VTI1A: variants seen among roughly 807,000 people sequenced by gnomAD.
VTI1A encodes the protein vesicle transport through interaction with t-SNAREs homolog 1A.
A neutral mutation model predicts 34.9 loss-of-function variants in VTI1A; 22 were observed. The observed-to-expected ratio is 0.63, with a 90% CI of 0.45 to 0.90. VTI1A has a LOEUF of 0.90. Ranked by LOEUF, VTI1A falls within the 40% of genes least tolerant of loss-of-function variation. VTI1A has a pLI of 0.00. For synonymous variants in VTI1A, 87 were observed against 97.3 expected (o/e 0.89, Z 0.62); for missense variants, 268 against 275.6 (o/e 0.97, Z 0.20).
intron 5 of VTI1A, among the ~76,000 whole-genome samples, chr10:112,572,649 T>C (rs930600664): frequency 2.3e-4 from 35 of 151,462 alleles, no homozygotes; most frequent in African/African-American, 8.6e-4. Context: ...CCATCTTGGC[T>C]AACACGGTGA....
chr10:112,494,206 A>G lies in VTI1A; in HGVS notation c.264+29549A>G. Among the ~76,000 whole-genome samples the G allele has an allele frequency of 1.3e-5, 2 of 152,062 alleles. 1 individual carries two copies. On this transcript the variant is annotated intron_variant, in intron 3 of 7. Transcript: ENST00000393077. ...TTCTAGCAATTTGTGCCCTTCATCTAAGTTCTCTGATTTATTGACAATAAA... is the reference window on the plus strand; with the variant it reads ...TTCTAGCAATTTGTGCCCTTCATCTGAGTTCTCTGATTTATTGACAATAAA...
intron 7 of VTI1A, among the ~76,000 whole-genome samples, chr10:112,808,486 C>T (rs545747313): frequency 3.3e-5 from 5 of 151,952 alleles, no homozygotes; most frequent in East Asian, 3.9e-4. Flanking sequence ...ATCAGCTGGG[C>T]GTGGTGGCAG....
chr10:112,650,757 C>G (rs1846979521), intron 5 of VTI1A, among the ~76,000 whole-genome samples: 1 of 152,178 alleles, frequency 6.6e-6, no homozygotes, highest in Non-Finnish European at 1.5e-5. Context: ...TATACGTAGT[C>G]CCTCGTTGAC....
intron 3 of VTI1A, among the ~76,000 whole-genome samples, chr10:112,471,107 G>A (rs566856407): frequency 1.2e-4 from 18 of 152,170 alleles, no homozygotes; most frequent in African/African-American, 4.3e-4. Flanking sequence ...CTTCTGAATA[G>A]CTATCTCAAA....
chr10:112,701,261 A>T (rs997596316), intron 7 of VTI1A, among the ~76,000 whole-genome samples: 2 of 152,222 alleles, frequency 1.3e-5, no homozygotes, highest in Non-Finnish European at 2.9e-5. Context: ...GAAACCAACA[A>T]CTAGACCATT....
intron 3 of VTI1A, among the ~76,000 whole-genome samples, chr10:112,515,888 C>A (rs1388811469): frequency 1.3e-5 from 2 of 152,068 alleles, no homozygotes; most frequent in African/African-American, 2.4e-5. Context: ...CACCCACATA[C>A]AAGATGTGCG....
chr10:112,854,477 C>T, the VTI1A span, among the ~76,000 whole-genome samples: 1 of 152,194 alleles, frequency 6.6e-6, no homozygotes, highest in Non-Finnish European at 1.5e-5. Context: ...GGGGAGGCCA[C>T]CATGACCCCC....
At chr10:112,595,423 G>A (rs1303880687) in intron 5 of VTI1A, among the ~76,000 whole-genome samples, 1 of 151,682 alleles carries the variant, frequency 6.6e-6, no homozygotes, top group Admixed American at 6.6e-5. Flanking sequence ...CTGACAAAGG[G>A]CTAATATCCA....
Position 112,464,602 on chromosome 10 carries a change from A to G in VTI1A, c.209A>G (p.Tyr70Cys), listed in dbSNP as rs867916353. ...REIPPQSRGM[Y>C]SNRMRSYKQE... The stretch of plus-strand genomic sequence containing the variant: ...ATACCACCCCAAAGTCGAGGGATGT[A>G]CAGCAACAGAATGAGAAGCTACAAA... Residue 70 changes from tyrosine to cysteine, a missense_variant, in exon 3 of 8, where the codon TAC (tyrosine) becomes TGC (cysteine). Coordinates refer to ENST00000393077, the MANE Select transcript of VTI1A (RefSeq NM_145206.4). 6.2e-7 allele frequency: 1 copy of G among 1,612,996 alleles called. No homozygotes were observed. Among genetic ancestry groups the G allele is most frequent in the Non-Finnish European group, 8.5e-7 (1 of 1,179,256 alleles).
At chr10:112,843,589 C>T in the VTI1A span, among the ~76,000 whole-genome samples, 1 of 152,188 alleles carries the variant, frequency 6.6e-6, no homozygotes. Context: ...CAAACATATA[C>T]GTTGTAACCA....
intron 7 of VTI1A, among the ~76,000 whole-genome samples, chr10:112,730,051 A>T (rs1366439128): frequency 6.6e-6 from 1 of 152,242 alleles, no homozygotes; most frequent in Admixed American, 6.5e-5. Context: ...TCTGGAGCTG[A>T]ATCTCACTGA....
At chr10:112,826,474 A>G in the VTI1A span, 1 of 152,276 alleles carries the variant, frequency 6.6e-6, no homozygotes, top group African/African-American at 2.4e-5. Context: ...AACCACCCGG[A>G]GAGATTTAAT....
At chr10:112,712,816 C>A (rs149141220) in intron 7 of VTI1A, among the ~76,000 whole-genome samples, 1 of 152,198 alleles carries the variant, frequency 6.6e-6, no homozygotes, top group Non-Finnish European at 1.5e-5. Flanking sequence ...CACAACATCT[C>A]ATTCTGCTAT....
intron 6 of VTI1A, among the ~76,000 whole-genome samples, chr10:112,668,495 G>C (rs1049319683): frequency 3.9e-5 from 6 of 152,102 alleles, no homozygotes; most frequent in Non-Finnish European, 8.8e-5. Flanking sequence ...TCCCAGGTAG[G>C]TATTTTATTT....
chr10:112,597,513 T>C (rs910638050), intron 5 of VTI1A, among the ~76,000 whole-genome samples: 1 of 151,638 alleles, frequency 6.6e-6, no homozygotes, highest in Non-Finnish European at 1.5e-5. Context: ...CCACCACACC[T>C]GGCCTGGGCT....
At chr10:112,599,099 T>G (rs932967635) in intron 5 of VTI1A, among the ~76,000 whole-genome samples, 1 of 152,104 alleles carries the variant, frequency 6.6e-6, no homozygotes, top group Non-Finnish European at 1.5e-5. Context: ...GAGTCAACCT[T>G]CCAGAAACTT....
At chr10:112,653,075 C>T (rs1847097557) in intron 5 of VTI1A, among the ~76,000 whole-genome samples, 3 of 152,176 alleles carry the variant, frequency 2.0e-5, no homozygotes, top group Non-Finnish European at 2.9e-5. Context: ...TAAATACCCT[C>T]TAGAGGTTTC....
chr10:112,683,997 C>T (rs1000159788), intron 7 of VTI1A, among the ~76,000 whole-genome samples: 1 of 150,964 alleles, frequency 6.6e-6, no homozygotes, highest in Non-Finnish European at 1.5e-5. Context: ...GAGCTGAGAT[C>T]GTGCCACTGC....
intron 7 of VTI1A, among the ~76,000 whole-genome samples, chr10:112,783,986 A>G (rs1182565521): frequency 6.6e-6 from 1 of 152,250 alleles, no homozygotes; most frequent in Non-Finnish European, 1.5e-5. Context: ...GAAAGAAATA[A>G]AAGGCAGACC....
Sources: allele counts gnomAD v4.1 joint callset (sites outside exome capture counted in the v4.1 genomes callset), GRCh38; gene constraint gnomAD v4.1.1; transcripts MANE v1.5; gene names NCBI Gene and HGNC (gene_info 2026-07-23, HGNC 2026-07-21).